AKAP6: variants seen among roughly 807,000 people sequenced by gnomAD.
AKAP6 encodes A-kinase anchor protein 6.
AKAP6 carries 58 observed loss-of-function variants against 188.5 expected under a neutral mutation model. That is an observed-to-expected ratio of 0.31 (90% CI 0.25 to 0.38). The LOEUF (loss-of-function observed/expected upper bound fraction) is 0.38, where lower values mean the gene tolerates loss of function less well. AKAP6 is among the 10% of genes least tolerant of loss of function. The probability of loss-of-function intolerance (pLI) is 1.00; values close to 1 mark genes in which losing one functional copy is unlikely to be tolerated. For missense variants in AKAP6, 2,710 were observed against 2,740.0 expected (o/e 0.99, Z 0.24); for synonymous variants, 989 against 998.6 (o/e 0.99, Z 0.18).
At chr14:32,722,037 C>G (rs1391056955) in intron 9 of AKAP6, among the ~76,000 whole-genome samples, 1 of 152,204 alleles carries the variant, frequency 6.6e-6, no homozygotes, top group African/African-American at 2.4e-5. Flanking sequence ...AGTCTGACCT[C>G]TGAGGTCAGA....
intron 11 of AKAP6, among the ~76,000 whole-genome samples, chr14:32,762,763 T>G (rs2032581004): frequency 6.6e-6 from 1 of 152,068 alleles, no homozygotes; most frequent in African/African-American, 2.4e-5. Flanking sequence ...CCAAGGATCT[T>G]CAAGAATTTA....
chr14:32,504,319 T>C (rs1004772500), intron 2 of AKAP6, among the ~76,000 whole-genome samples: 1 of 152,192 alleles, frequency 6.6e-6, no homozygotes, highest in Admixed American at 6.5e-5. Flanking sequence ...CTTGCCCTGT[T>C]GTCCAGGCTT....
At chr14:32,786,750 T>C (rs1201811821) in intron 12 of AKAP6, among the ~76,000 whole-genome samples, 1 of 152,194 alleles carries the variant, frequency 6.6e-6, no homozygotes, top group African/African-American at 2.4e-5. Context: ...TAGTTATCAG[T>C]AGCAAGTAAA....
chr14:32,531,750 T>G (rs1224142647), intron 2 of AKAP6, among the ~76,000 whole-genome samples: 1 of 152,336 alleles, frequency 6.6e-6, no homozygotes, highest in South Asian at 2.1e-4. Context: ...GTGTGTAACA[T>G]TTTGAGACTG....
At chr14:32,700,935 T>C (rs1467766702) in intron 9 of AKAP6, among the ~76,000 whole-genome samples, 1 of 152,332 alleles carries the variant, frequency 6.6e-6, no homozygotes, top group Non-Finnish European at 1.5e-5. Flanking sequence ...AAAATAACTC[T>C]TCCAGCTTAA....
intron 7 of AKAP6, among the ~76,000 whole-genome samples, chr14:32,626,047 T>G (rs1005822119): frequency 2.0e-5 from 3 of 152,152 alleles, no homozygotes; most frequent in Non-Finnish European, 4.4e-5. Context: ...GCACTAACAT[T>G]TGGTGGAGCC....
intron 12 of AKAP6, among the ~76,000 whole-genome samples, chr14:32,787,418 C>A (rs1209578579): frequency 6.6e-6 from 1 of 152,140 alleles, no homozygotes; most frequent in Non-Finnish European, 1.5e-5. Flanking sequence ...CTTGGGGATT[C>A]ATTCTAAGTT....
chr14:32,784,791 G>A (rs777810250), intron 12 of AKAP6, among the ~76,000 whole-genome samples: 2 of 152,130 alleles, frequency 1.3e-5, no homozygotes, highest in Non-Finnish European at 2.9e-5. Context: ...GTGGACGCAG[G>A]CGTATCTGAC....
intron 12 of AKAP6, among the ~76,000 whole-genome samples, chr14:32,808,348 T>C (rs2034141540): frequency 6.6e-6 from 1 of 152,200 alleles, no homozygotes; most frequent in South Asian, 2.1e-4. Flanking sequence ...ATGGAACTTT[T>C]ATGGGCCCGT....
intron 11 of AKAP6, among the ~76,000 whole-genome samples, chr14:32,753,696 G>T (rs762861127): frequency 2.6e-5 from 4 of 152,130 alleles, no homozygotes; most frequent in South Asian, 2.1e-4. Context: ...GTTGATTCTT[G>T]TATATGGTGT....
At chr14:32,690,120 C>CACAT (rs57419513) in intron 8 of AKAP6, among the ~76,000 whole-genome samples, 1 of 148,874 alleles carries the variant, frequency 6.7e-6, no homozygotes, top group African/African-American at 2.5e-5. Context: ...CACACACACA[C>CACAT]GATTACTCAG....
intron 2 of AKAP6, among the ~76,000 whole-genome samples, chr14:32,524,065 G>A (rs969601745): frequency 5.9e-5 from 9 of 152,178 alleles, no homozygotes; most frequent in African/African-American, 2.2e-4. Context: ...TAAGCTGGGT[G>A]TGGTAACACG....
chr14:32,370,110 A>G (rs946679618), intron 1 of AKAP6, among the ~76,000 whole-genome samples: 8 of 152,230 alleles, frequency 5.3e-5, no homozygotes, highest in African/African-American at 1.9e-4. Flanking sequence ...TTTCTAAGTC[A>G]GTATGTTGTG....
At chr14:32,668,255 C>T (rs1326074931) in intron 7 of AKAP6, among the ~76,000 whole-genome samples, 2 of 152,072 alleles carry the variant, frequency 1.3e-5, no homozygotes, top group South Asian at 2.1e-4. Context: ...TTTTTAACTA[C>T]AGGCATTACA....
At chr14:32,551,466 G>C (rs923227989) in intron 4 of AKAP6, among the ~76,000 whole-genome samples, 18 of 151,392 alleles carry the variant, frequency 1.2e-4, no homozygotes, top group African/African-American at 4.4e-4. Context: ...CAGCTATTTG[G>C]GAGGCTGAGG....
intron 8 of AKAP6, among the ~76,000 whole-genome samples, chr14:32,679,577 G>A (rs1275669371): frequency 6.6e-6 from 1 of 152,070 alleles, no homozygotes; most frequent in African/African-American, 2.4e-5. Context: ...CTCATATAAA[G>A]TTTTGGGATA....
intron 11 of AKAP6, among the ~76,000 whole-genome samples, chr14:32,754,118 T>C (rs996216084): frequency 2.0e-5 from 3 of 152,166 alleles, no homozygotes; most frequent in Admixed American, 6.5e-5. Context: ...AGGCTCCTAC[T>C]ATAATTGTAT....
At chr14:32,701,452 C>T (rs1398037469) in intron 9 of AKAP6, among the ~76,000 whole-genome samples, 1 of 151,888 alleles carries the variant, frequency 6.6e-6, no homozygotes. Flanking sequence ...TGTTTTGATA[C>T]TTAGATGTGA....
intron 2 of AKAP6, among the ~76,000 whole-genome samples, chr14:32,466,931 A>T (rs1878491869): frequency 6.7e-6 from 1 of 149,650 alleles, no homozygotes; most frequent in Non-Finnish European, 1.5e-5. Context: ...CATATATTGG[A>T]CATTTGATAA....
Sources: allele counts gnomAD v4.1 joint callset (sites outside exome capture counted in the v4.1 genomes callset), GRCh38; gene constraint gnomAD v4.1.1; transcripts MANE v1.5; gene names NCBI Gene and HGNC (gene_info 2026-07-23, HGNC 2026-07-21).